Variants in PTCH1 observed in about 807,000 individuals in gnomAD.
PTCH1 encodes the protein patched 1.
Under a neutral mutation model 144.6 loss-of-function variants are expected in PTCH1, and 14 were observed. The observed-to-expected ratio is 0.10, with a 90% confidence interval of 0.06 to 0.15. The LOEUF is 0.15. PTCH1 is among the 10% of genes least tolerant of loss of function. The pLI is 1.00. For synonymous variants in PTCH1, 833 were observed against 793.6 expected, an observed-to-expected ratio of 1.05 and a Z score of -0.83; for missense variants, 1,623 against 1,948.3, an observed-to-expected ratio of 0.83 and a Z score of 3.14.
At chr9:95,481,898 ACT>A in intron 5 of PTCH1, 49 bp downstream of exon 5, 1 of 1,440,102 alleles carries the variant, frequency 6.9e-7, no homozygotes. Context: ...CATTAGAAAC[ACT>A]GAGTCCTAGA....
At position 95,458,192 on chromosome 9, in the gene PTCH1, T is replaced by C. The variant is rs774440323; in HGVS notation, c.2989A>G (p.Ile997Val). Residue 997 changes from isoleucine to valine, a missense_variant, in exon 18 of 24, where the codon ATC (isoleucine) becomes GTC (valine). By Grantham distance (29) the Ile-to-Val change is conservative. Around this residue, in one of 7 missense-constraint regions of PTCH1, gnomAD observed 504 missense variants for 679.3 expected, o/e 0.74. Coordinates refer to ENST00000331920, the MANE Select transcript of PTCH1 (RefSeq NM_000264.5). This position sits in a 1 kb window ranked among gnomAD's most constrained non-coding sequence, Gnocchi z 4.7. The stretch of plus-strand genomic sequence containing the variant: ...CCCAGGCTCGTATAGTTGCTGCAGA[T>C]GGTCCTTACTTTTTCAATTGCCTCC... ...FVEAIEKVRTICSNYTSLGLS... is the reference protein window; with the variant it reads ...FVEAIEKVRTVCSNYTSLGLS... 30 of 1,614,112 alleles carry C rather than the reference T, an allele frequency of 1.9e-5. No individual in the cohort carries two copies. Among genetic ancestry groups the C allele is most frequent in the Admixed American group, 3.3e-5 (2 of 60,012 alleles).
rs1398130707 is a variant in PTCH1 at position 95,477,561 on chromosome 9, C to T, written c.1489G>A (p.Ala497Thr). Reference sequence around the variant, plus strand: ...TCCTTTAGTACCTGAGTTGTTGCAGCGTTAAAGGAAATTCCGATCAATGAG... The same window carrying T: ...TCCTTTAGTACCTGAGTTGTTGCAGTGTTAAAGGAAATTCCGATCAATGAG... ...LCSLIGISFNAATTQVLPFLA... is the reference protein window; with the variant it reads ...LCSLIGISFNTATTQVLPFLA... Residue 497 changes from alanine (A) to threonine (T), a missense_variant, in exon 10 of 24, where the codon GCT (alanine) becomes ACT (threonine). Coordinates refer to ENST00000331920, the MANE Select transcript of PTCH1 (RefSeq NM_000264.5). The T allele has an allele frequency of 6.2e-6, 10 of 1,614,144 alleles. No homozygotes were observed. In the Admixed American group the frequency reaches 8.3e-5, roughly 13 times the overall value.
chr9:95,458,392 T>G lies in PTCH1; in HGVS notation c.2888-99A>C. ...GAACTTTGCATGAAAGCTTACTGAC[T>G]GCTCTTCTACATGATACAAAGAACA... On this transcript the variant is annotated intron_variant, in intron 17 of 23. Coordinates refer to ENST00000331920, the MANE Select transcript of PTCH1 (RefSeq NM_000264.5). The surrounding 1 kb of genome is among the most constrained non-coding windows in gnomAD (Gnocchi z 4.7). 7.0e-7 allele frequency: 1 copy of G among 1,421,156 alleles called. No individual in the cohort carries two copies. Among genetic ancestry groups the G allele is most frequent in the Non-Finnish European group, 9.7e-7 (1 of 1,030,636 alleles). 88.0% of individuals were successfully genotyped at this position (1,421,156 alleles called of 1,614,324 possible). A position where few individuals can be genotyped will look rare whatever the true frequency, so the allele number is the denominator to read the frequency against.
intron 9 of PTCH1, 112 bp downstream of exon 9, chr9:95,477,943 G>T: frequency 6.4e-7 from 1 of 1,566,022 alleles, no homozygotes. Flanking sequence ...TCTCTGTCCT[G>T]GATGCACATC....
upstream of PTCH1, among the ~76,000 whole-genome samples, chr9:95,512,406 T>C (rs745699085): frequency 8.1e-6 from 1 of 122,814 alleles, no homozygotes; most frequent in Non-Finnish European, 1.6e-5. Flanking sequence ...TCCCCTGTGG[T>C]CTGCTTTTTT....
intron 2 of PTCH1, among the ~76,000 whole-genome samples, chr9:95,497,802 T>TTTG (rs1381884354): frequency 1.3e-5 from 2 of 152,194 alleles, no homozygotes; most frequent in African/African-American, 4.8e-5. Flanking sequence ...TCCAATGTGT[T>TTTG]TATCTGGGTT....
At chr9:95,478,805 A>G (rs2118359313) in intron 8 of PTCH1, among the ~76,000 whole-genome samples, 195 bp downstream of exon 8, 1 of 152,284 alleles carries the variant, frequency 6.6e-6, no homozygotes, top group African/African-American at 2.4e-5. Context: ...GGGCACCCCA[A>G]TTAGAACTAG....
In PTCH1 at chr9:95,446,992, T is replaced by C. The variant is rs1246323077; in HGVS notation, c.4264A>G (p.Arg1422Gly). ...PHVPFHVRCE[R>G]RDSKVEVIEL... ...ATGACTTCCACCTTCGAATCCCTCC[T>C]CTCACACCGGACGTGGAAAGGCACG... Residue 1422 changes from arginine (R) to glycine (G), a missense_variant, in exon 23 of 24, where the codon AGG becomes GGG. By Grantham distance (125) the Arg-to-Gly change is moderately radical. Transcript: ENST00000331920. 1.9e-6 allele frequency: 3 copies of C among 1,614,108 alleles called. No homozygotes were observed. The highest frequency in any genetic ancestry group is 2.5e-6 in the Non-Finnish European group (3 of 1,180,012).
At chr9:95,510,745 GAAAGA>G (rs533143021), upstream of PTCH1, among the ~76,000 whole-genome samples, 2 of 138,912 alleles carry the variant, frequency 1.4e-5, no homozygotes, top group African/African-American at 3.4e-5. Context: ...AAAAAAAGAA[GAAAGA>G]AAGGAAAGGA....
rs1219886976 is a variant in PTCH1 at position 95,508,231 on chromosome 9, G to A, written c.131C>T (p.Ala44Val). The A allele has an allele frequency of 1.9e-6, 3 of 1,610,282 alleles. No homozygotes were observed. Among genetic ancestry groups the A allele is most frequent in the Non-Finnish European group, 1.7e-6 (2 of 1,179,364 alleles). The change falls in exon 1 of 24, where the codon GCG (alanine) becomes GTG (valine). Residue 44 changes from alanine to valine, a missense_variant. Transcript: ENST00000331920. ...RRTGGLRRAA[A>V]PDRDYLHRPS... is the part of the protein sequence containing the mutation. ...CCGGTGCAGATAGTCCCGGTCCGGC[G>A]CGGCAGCACGGCGCAGCCCCCCCGT... is the stretch of plus-strand genomic sequence containing the variant.
chr9:95,475,025 A>G (rs905370106), intron 12 of PTCH1, among the ~76,000 whole-genome samples: 7 of 152,316 alleles, frequency 4.6e-5, no homozygotes, highest in African/African-American at 1.7e-4. Context: ...TAATTCACAA[A>G]ACCCCCACAA....
At chr9:95,488,050 AAC>A (rs1224818196) in intron 2 of PTCH1, among the ~76,000 whole-genome samples, 2 of 152,180 alleles carry the variant, frequency 1.3e-5, no homozygotes, top group Non-Finnish European at 2.9e-5. Context: ...GGCAAAACCA[AAC>A]ACAAAGTTTG....
intron 12 of PTCH1, among the ~76,000 whole-genome samples, chr9:95,472,773 T>A: frequency 6.6e-6 from 1 of 152,210 alleles, no homozygotes; most frequent in East Asian, 1.9e-4. Flanking sequence ...GACTTTCTCA[T>A]AACCTACTAC....
chr9:95,471,082 C>CAA (rs767837358), intron 12 of PTCH1, among the ~76,000 whole-genome samples: 153 of 126,804 alleles, frequency 1.2e-3, no homozygotes, highest in African/African-American at 3.5e-3. Context: ...GAGTCTGTCT[C>CAA]AAAAAAAAAA....
chr9:95,474,118 C>A, intron 12 of PTCH1: 1 of 496,630 alleles, frequency 2.0e-6, no homozygotes, highest in Non-Finnish European at 4.0e-6. Flanking sequence ...AAAGGAGAGT[C>A]GGCCTCGATG....
chr9:95,456,595 T>C (rs1036220618), intron 18 of PTCH1, among the ~76,000 whole-genome samples, 182 bp from the exon 19 acceptor site: 4 of 152,334 alleles, frequency 2.6e-5, no homozygotes, highest in Middle Eastern at 3.4e-3. Flanking sequence ...GAAGGGAGAC[T>C]GTGGGACAGC....
intron 12 of PTCH1, among the ~76,000 whole-genome samples, chr9:95,475,585 G>C (rs1182283138): frequency 6.6e-6 from 1 of 152,132 alleles, no homozygotes; most frequent in Non-Finnish European, 1.5e-5. Flanking sequence ...TCTTGGGTTG[G>C]GGGTGCTTTG....
Position 95,456,429 on chromosome 9 carries a change from C to G in PTCH1, c.3169-16G>C, listed in dbSNP as rs2136650857. 6.2e-7 allele frequency: 1 copy of G among 1,613,122 alleles called. No homozygotes were observed. Among genetic ancestry groups the G allele is most frequent in the Non-Finnish European group, 8.5e-7 (1 of 1,179,750 alleles). Reference sequence around the variant, plus strand: ...GGACCATCACCTGGAGCAGGGCACACAGTGGTCAGTGGGCGGGCAGGTCAC... The same window carrying G: ...GGACCATCACCTGGAGCAGGGCACAGAGTGGTCAGTGGGCGGGCAGGTCAC... On this transcript the variant is annotated splice_polypyrimidine_tract_variant and intron_variant, in intron 18 of 23. Coordinates refer to ENST00000331920, the MANE Select transcript of PTCH1 (RefSeq NM_000264.5).
rs536440590 is a variant in PTCH1, at chr9:95,447,303, G to T, written c.3953C>A (p.Pro1318Gln). The T allele has an allele frequency of 6.2e-7, 1 of 1,613,162 alleles. No homozygotes were observed. The highest frequency in any genetic ancestry group is 1.1e-5 in the South Asian group (1 of 91,088). Residue 1318 changes from proline to glutamine, a missense_variant, in exon 23 of 24, where the codon CCG (proline) becomes CAG (glutamine). Around this residue, in one of 7 missense-constraint regions of PTCH1, gnomAD observed 291 missense variants for 287.4 expected, o/e 1.01. Transcript: ENST00000331920. ...AGAAATTTCAAAAGCGTCTCTGCGC[G>T]GTCTGTAGGGGGGTGGCCACAAGCC... ...REGLWPPPYR[P>Q]RRDAFEISTE...
Sources: allele counts gnomAD v4.1 joint callset (sites outside exome capture counted in the v4.1 genomes callset), GRCh38; gene constraint gnomAD v4.1.1; regional missense constraint gnomAD v4.1.1; non-coding constraint Gnocchi (gnomAD v3.1); transcripts MANE v1.5; gene names NCBI Gene and HGNC (gene_info 2026-07-23, HGNC 2026-07-21).